TMPRSS7: variants seen among roughly 807,000 people sequenced by gnomAD.
TMPRSS7 encodes transmembrane protease serine 7.
In TMPRSS7, 81 loss-of-function variants were observed where a neutral mutation model predicts 95.6. The ratio of observed to expected loss-of-function variants is 0.85; its 90% CI spans 0.71 to 1.02. TMPRSS7 has a LOEUF of 1.02. Ranked by LOEUF, TMPRSS7 falls within the 50% of genes least tolerant of loss-of-function variation. TMPRSS7 has a pLI of 0.00. For missense variants in TMPRSS7, 945 were observed against 955.2 expected, an observed-to-expected ratio of 0.99 and a Z score of 0.14; for synonymous variants, 364 against 337.8, an observed-to-expected ratio of 1.08 and a Z score of -0.85.
At chr3:112,061,922 A>G (rs751056782) in exon 11 of TMPRSS7, 2 of 1,605,996 alleles carry the variant, frequency 1.2e-6, no homozygotes, top group East Asian at 2.2e-5. Flanking sequence ...ACATCAGTCA[A>G]CGTAAGCCTA....
At chr3:112,047,144 T>C in intron 6 of TMPRSS7, 132 bp downstream of exon 6, 1 of 643,584 alleles carries the variant, frequency 1.6e-6, no homozygotes, top group Non-Finnish European at 2.8e-6. Flanking sequence ...CAAACTGCCT[T>C]AAGCACAAAA....
chr3:112,054,563 CTG>C (rs2073406568), intron 9 of TMPRSS7, among the ~76,000 whole-genome samples: 2 of 151,954 alleles, frequency 1.3e-5, no homozygotes, highest in Admixed American at 1.3e-4. Flanking sequence ...TGGAGGAACT[CTG>C]TGGATTGGAA....
intron 10 of TMPRSS7, among the ~76,000 whole-genome samples, chr3:112,060,011 G>C (rs556971137): frequency 6.6e-6 from 1 of 152,282 alleles, no homozygotes; most frequent in South Asian, 2.1e-4. Context: ...GAGAAATAAA[G>C]GGACAGAGTA....
intron 9 of TMPRSS7, among the ~76,000 whole-genome samples, chr3:112,051,107 T>C (rs957599581): frequency 1.3e-5 from 2 of 152,092 alleles, no homozygotes; most frequent in African/African-American, 2.4e-5. Flanking sequence ...AGCATTGTAA[T>C]AGGAATAATA....
chr3:112,049,140 C>T (rs372098039), intron 7 of TMPRSS7, among the ~76,000 whole-genome samples: 11 of 152,134 alleles, frequency 7.2e-5, no homozygotes, highest in African/African-American at 2.7e-4. Context: ...ATCTGCATAC[C>T]GCACCAATTC....
At chr3:112,043,303 C>G (rs1415389054) in intron 3 of TMPRSS7, among the ~76,000 whole-genome samples, 4 of 152,112 alleles carry the variant, frequency 2.6e-5, no homozygotes, top group African/African-American at 9.7e-5. Context: ...AAGAGTTGCT[C>G]AGCTCCATCA....
At chr3:112,041,797 A>C in intron 2 of TMPRSS7, 123 bp from the exon 3 acceptor site, 1 of 644,918 alleles carries the variant, frequency 1.6e-6, no homozygotes, top group South Asian at 1.9e-5. Flanking sequence ...GCTCTGAACC[A>C]GTTAGTATGT....
chr3:112,034,996 A>C (rs2073141363), intron 1 of TMPRSS7, 103 bp downstream of exon 1: 8 of 655,966 alleles, frequency 1.2e-5, no homozygotes, highest in Admixed American at 4.9e-5. Flanking sequence ...AGGAAACAAT[A>C]ATAAAATATT....
chr3:112,062,489 G>A (rs1195036418), intron 11 of TMPRSS7, among the ~76,000 whole-genome samples: 1 of 152,192 alleles, frequency 6.6e-6, no homozygotes, highest in Non-Finnish European at 1.5e-5. Context: ...AGTGGGTAAT[G>A]ACATGCTCAG....
intron 11 of TMPRSS7, among the ~76,000 whole-genome samples, chr3:112,062,201 T>C (rs2073517435): frequency 6.6e-6 from 1 of 152,192 alleles, no homozygotes; most frequent in Non-Finnish European, 1.5e-5. Context: ...TTTCTTACAC[T>C]ATTCCTTAAA....
At chr3:112,063,097 A>G (rs577784573) in intron 11 of TMPRSS7, among the ~76,000 whole-genome samples, 1 of 152,352 alleles carries the variant, frequency 6.6e-6, no homozygotes, top group African/African-American at 2.4e-5. Flanking sequence ...AGGATAACTC[A>G]TCTGATCACA....
At chr3:112,041,283 C>CACTT (rs1428399096) in intron 2 of TMPRSS7, among the ~76,000 whole-genome samples, 1 of 152,162 alleles carries the variant, frequency 6.6e-6, no homozygotes, top group African/African-American at 2.4e-5. Context: ...AGCCTCCCTA[C>CACTT]ACTTCCTAGG....
intron 8 of TMPRSS7, among the ~76,000 whole-genome samples, chr3:112,050,452 T>C (rs1349375489): frequency 7.7e-6 from 1 of 130,274 alleles, no homozygotes; most frequent in Non-Finnish European, 1.6e-5. Context: ...ACATATGATG[T>C]GAAAACAAAT....
chr3:112,078,055 C>T (rs2073734650), intron 16 of TMPRSS7, among the ~76,000 whole-genome samples: 1 of 152,176 alleles, frequency 6.6e-6, no homozygotes, highest in African/African-American at 2.4e-5. Context: ...TCAGTGCTTT[C>T]ATTTAGTGAT....
At chr3:112,038,370 T>C (rs1453190596) in intron 2 of TMPRSS7, 49 bp downstream of exon 2, 1 of 676,286 alleles carries the variant, frequency 1.5e-6, no homozygotes, top group Non-Finnish European at 2.7e-6. Context: ...ATGGTATGAG[T>C]CCAGCATTAG....
At chr3:112,057,818 T>C (rs1267505491) in intron 10 of TMPRSS7, among the ~76,000 whole-genome samples, 3 of 152,092 alleles carry the variant, frequency 2.0e-5, no homozygotes, top group Non-Finnish European at 4.4e-5. Context: ...CTCTGCCTCC[T>C]GGGTTCAAGC....
intron 13 of TMPRSS7, among the ~76,000 whole-genome samples, chr3:112,066,878 G>T (rs975761855): frequency 6.6e-5 from 10 of 151,780 alleles, no homozygotes; most frequent in African/African-American, 2.2e-4. Flanking sequence ...TGTGCACAAC[G>T]TGCAGGTTTG....
chr3:112,054,728 G>GTTTTT (rs1357112428), intron 9 of TMPRSS7, among the ~76,000 whole-genome samples: 5 of 37,610 alleles, frequency 1.3e-4, no homozygotes, highest in Admixed American at 1.3e-3. Context: ...CTCTCAGTTT[G>GTTTTT]CTTTTTTTTT....
chr3:112,043,752 T>C (rs895290686), intron 3 of TMPRSS7, among the ~76,000 whole-genome samples: 15 of 152,190 alleles, frequency 9.9e-5, no homozygotes, highest in Non-Finnish European at 1.9e-4. Flanking sequence ...TATGAAGTTT[T>C]AAAATGGCTG....
Sources: allele counts gnomAD v4.1 joint callset (sites outside exome capture counted in the v4.1 genomes callset), GRCh38; gene constraint gnomAD v4.1.1; transcripts MANE v1.5; gene names NCBI Gene and HGNC (gene_info 2026-07-23, HGNC 2026-07-21).